The following INTS6 variants were observed in gnomAD, a reference collection of about 807,000 sequenced individuals.
The protein encoded by INTS6 is DEAD box protein.
In INTS6, 16 loss-of-function variants were observed where a neutral mutation model predicts 104.9. The ratio of observed to expected loss-of-function variants is 0.15; its 90% CI spans 0.10 to 0.23. INTS6 has a LOEUF of 0.23. INTS6 is among the 10% of genes least tolerant of loss of function. INTS6 has a pLI of 1.00. For missense variants in INTS6, 584 were observed against 1,062.8 expected (o/e 0.55, Z 6.26); for synonymous variants, 324 against 358.7 (o/e 0.90, Z 1.09).
chr13:51,372,315 T>C (rs1332449206), intron 15 of INTS6, among the ~76,000 whole-genome samples: 1 of 152,036 alleles, frequency 6.6e-6, no homozygotes, highest in Admixed American at 6.6e-5. Context: ...GTTTTTTTTT[T>C]TTTTTTAAAG....
At chr13:51,403,584 A>AAAAAAAAAAG (rs1457728528) in intron 4 of INTS6, among the ~76,000 whole-genome samples, 1 of 84,530 alleles carries the variant, frequency 1.2e-5, no homozygotes, top group Non-Finnish European at 2.4e-5. Context: ...TCCATTTCAA[A>AAAAAAAAAAG]AAAAAAAAAG....
intron 12 of INTS6, among the ~76,000 whole-genome samples, chr13:51,376,431 A>T (rs960056012): frequency 6.6e-5 from 10 of 152,192 alleles, no homozygotes; most frequent in African/African-American, 2.4e-4. Context: ...TGGATAAAAG[A>T]AGTAAACTCA....
In INTS6 at chr13:51,361,820, A is replaced by G; in HGVS notation, c.*3932T>C. On this transcript the variant is annotated 3_prime_UTR_variant, in exon 18 of 18. Transcript: ENST00000311234. ...CTTTCTTTCCTGCAGCTCTGTTGTT[A>G]TTGAAAAGGTCTCGGATTCCTATTT... 6.2e-7 allele frequency: 1 copy of G among 1,605,094 alleles called. No individual in the cohort carries two copies. The highest frequency in any genetic ancestry group is 8.5e-7 in the Non-Finnish European group (1 of 1,176,994).
intron 16 of INTS6, among the ~76,000 whole-genome samples, chr13:51,368,667 C>G (rs1424433453): frequency 3.3e-5 from 5 of 152,102 alleles, no homozygotes; most frequent in Admixed American, 1.3e-4. Context: ...CATCGTTGGT[C>G]AGAATATTCA....
At chr13:51,368,845 TTC>T in intron 16 of INTS6, 92 bp downstream of exon 16, 1 of 1,279,034 alleles carries the variant, frequency 7.8e-7, no homozygotes, top group Non-Finnish European at 1.1e-6. Context: ...ATCATATGTA[TTC>T]TTTTACTACA....
intron 3 of INTS6, chr13:51,437,845 C>G (rs925904910): frequency 1.3e-5 from 2 of 152,124 alleles, no homozygotes; most frequent in African/African-American, 4.8e-5. Flanking sequence ...ACTGTCTCTA[C>G]TAAAAATACA....
intron 13 of INTS6, among the ~76,000 whole-genome samples, chr13:51,375,210 G>C (rs1213149362): frequency 1.3e-5 from 2 of 151,822 alleles, no homozygotes; most frequent in Non-Finnish European, 2.9e-5. Flanking sequence ...AAAATTAGCA[G>C]GGCATGGTGG....
chr13:51,405,226 G>A (rs1007260896), intron 4 of INTS6, among the ~76,000 whole-genome samples: 2 of 152,114 alleles, frequency 1.3e-5, no homozygotes, highest in Non-Finnish European at 2.9e-5. Context: ...TTCAGAACTG[G>A]TGGAGAATAC....
chr13:51,386,629 GT>G (rs952107581), intron 7 of INTS6, among the ~76,000 whole-genome samples: 3 of 152,044 alleles, frequency 2.0e-5, no homozygotes, highest in Non-Finnish European at 4.4e-5. Flanking sequence ...TTTCAAAAAG[GT>G]TTTGTTGTAT....
chr13:51,399,169 G>A (rs538141024), intron 4 of INTS6, among the ~76,000 whole-genome samples: 3 of 152,102 alleles, frequency 2.0e-5, no homozygotes, highest in South Asian at 4.2e-4. Flanking sequence ...ATGGTAGATC[G>A]TTCATTCCTA....
At chr13:51,377,100 C>T (rs561009522) in intron 12 of INTS6, among the ~76,000 whole-genome samples, 1 of 152,204 alleles carries the variant, frequency 6.6e-6, no homozygotes, top group Admixed American at 6.5e-5. Context: ...AGTAGTATCT[C>T]GTTATGGTTT....
chr13:51,424,667 A>T (rs1171670549), intron 4 of INTS6, among the ~76,000 whole-genome samples: 3 of 152,062 alleles, frequency 2.0e-5, no homozygotes, highest in African/African-American at 7.2e-5. Flanking sequence ...TAACATATAC[A>T]GTAGTGTTAT....
chr13:51,389,529 AAAC>A (rs1956207621), intron 5 of INTS6, 85 bp from the exon 6 acceptor site: 12 of 1,334,252 alleles, frequency 9.0e-6, no homozygotes, highest in South Asian at 1.7e-5. Context: ...AGCAAGAAAA[AAAC>A]AACTGTGGGG....
chr13:51,379,259 T>C (rs1404846637), intron 11 of INTS6, among the ~76,000 whole-genome samples: 1 of 151,970 alleles, frequency 6.6e-6, no homozygotes, highest in African/African-American at 2.4e-5. Flanking sequence ...TTAGGAATTA[T>C]TATATAATTT....
intron 4 of INTS6, among the ~76,000 whole-genome samples, chr13:51,396,257 C>T (rs1182288623): frequency 6.6e-6 from 1 of 152,062 alleles, no homozygotes; most frequent in Non-Finnish European, 1.5e-5. Flanking sequence ...TAAACAATCT[C>T]AAAGCATTTG....
rs778105195 is a variant in INTS6 at position 51,361,854 on chromosome 13, G to A, written c.*3898C>T. On this transcript the variant is annotated 3_prime_UTR_variant, in exon 18 of 18. Coordinates refer to ENST00000311234, the MANE Select transcript of INTS6 (RefSeq NM_012141.3). ...GTCTCGGATTCCTATTTTTAAAGCAGATCGGCCATTCATCTATTTCCTGAG... is the reference window on the plus strand; with the variant it reads ...GTCTCGGATTCCTATTTTTAAAGCAAATCGGCCATTCATCTATTTCCTGAG... 6.2e-7 allele frequency: 1 copy of A among 1,611,440 alleles called. No individual in the cohort carries two copies. Among genetic ancestry groups the A allele is most frequent in the Non-Finnish European group, 8.5e-7 (1 of 1,178,578 alleles).
In INTS6 at chr13:51,382,116, C is replaced by T; in HGVS notation, c.1188G>A (p.Leu396=). ...YPVLLPLLDD[L]FKVHKAKPTL... is the part of the protein sequence containing the mutation. ...TTGGTTTTGCTTTATGCACTTTAAACAAGTCATCTAGAAACGTATAATGTG... is the reference window on the plus strand; with the variant it reads ...TTGGTTTTGCTTTATGCACTTTAAATAAGTCATCTAGAAACGTATAATGTG... The change falls in exon 10 of 18, where the codon TTG becomes TTA. Residue 396 remains leucine, a synonymous_variant. Transcript: ENST00000311234. 6.2e-7 allele frequency: 1 copy of T among 1,604,658 alleles called. No individual in the cohort carries two copies. The highest frequency in any genetic ancestry group is 8.5e-7 in the Non-Finnish European group (1 of 1,172,988).
intron 4 of INTS6, among the ~76,000 whole-genome samples, chr13:51,401,981 G>T (rs1956449359): frequency 4.6e-5 from 7 of 152,006 alleles, no homozygotes. Flanking sequence ...ATTAATTTCT[G>T]TATCAATCTA....
At chr13:51,412,654 T>C (rs745361034) in intron 4 of INTS6, among the ~76,000 whole-genome samples, 6 of 152,146 alleles carry the variant, frequency 3.9e-5, no homozygotes, top group Non-Finnish European at 8.8e-5. Flanking sequence ...CATAATAAAA[T>C]GGAAAAACCA....
Sources: allele counts gnomAD v4.1 joint callset (sites outside exome capture counted in the v4.1 genomes callset), GRCh38; gene constraint gnomAD v4.1.1; transcripts MANE v1.5; gene names NCBI Gene and HGNC (gene_info 2026-07-23, HGNC 2026-07-21).